ARHGAP15: variants seen among roughly 807,000 people sequenced by gnomAD.
The protein encoded by ARHGAP15 is Rho GTPase activating protein 15.
A neutral mutation model predicts 63.7 loss-of-function variants in ARHGAP15; 51 were observed. The observed-to-expected ratio is 0.80, with a 90% CI of 0.64 to 1.01. The LOEUF is 1.01. Among genes scored for constraint, ARHGAP15 ranks in the 50% least tolerant of loss-of-function variants. The pLI is 0.00. For synonymous variants in ARHGAP15, 191 were observed against 193.8 expected, an observed-to-expected ratio of 0.99 and a Z score of 0.12; for missense variants, 560 against 564.6, an observed-to-expected ratio of 0.99 and a Z score of 0.08.
chr2:143,555,480 CA>C (rs1305459259), intron 10 of ARHGAP15, among the ~76,000 whole-genome samples: 1 of 152,100 alleles, frequency 6.6e-6, no homozygotes, highest in Non-Finnish European at 1.5e-5. Flanking sequence ...ATTATGTTTT[CA>C]GCATTTTTAG....
rs559293659 is a variant in ARHGAP15 at position 143,767,194 on chromosome 2, T to C, written c.1245-795T>C. The stretch of plus-strand genomic sequence containing the variant: ...ATCAAGTAGGCTTCAGCTGTCAGAA[T>C]AGCATTACTTTTTTAATTATCAGTT... On this transcript the variant is annotated intron_variant, in intron 13 of 13. Coordinates refer to ENST00000295095, the MANE Select transcript of ARHGAP15 (RefSeq NM_018460.4). Among the ~76,000 whole-genome samples the C allele has an allele frequency of 1.6e-4, 24 of 152,298 alleles. No individual in the cohort carries two copies. In the East Asian group the frequency reaches 4.6e-3, roughly 29 times the overall value.
chr2:143,427,639 T>C (rs1267154080), intron 6 of ARHGAP15, among the ~76,000 whole-genome samples: 3 of 151,950 alleles, frequency 2.0e-5, no homozygotes, highest in Non-Finnish European at 4.4e-5. Flanking sequence ...AGATATGCAT[T>C]GAAATATGAC....
intron 6 of ARHGAP15, among the ~76,000 whole-genome samples, chr2:143,330,100 A>AAC (rs1207990809): frequency 1.3e-5 from 1 of 74,142 alleles, no homozygotes; most frequent in African/African-American, 5.4e-5. Context: ...GTCTCAAAAA[A>AAC]AAAAAAAAAA....
chr2:143,744,651 C>G (rs1304520836), intron 13 of ARHGAP15, among the ~76,000 whole-genome samples: 1 of 152,216 alleles, frequency 6.6e-6, no homozygotes, highest in Non-Finnish European at 1.5e-5. Context: ...TATTCAGCAT[C>G]CTTGTACATC....
chr2:143,707,992 T>C (rs1684409174), intron 13 of ARHGAP15, among the ~76,000 whole-genome samples: 1 of 152,198 alleles, frequency 6.6e-6, no homozygotes, highest in South Asian at 2.1e-4. Context: ...TTCCTGTGTT[T>C]CTTTTTACCC....
intron 12 of ARHGAP15, among the ~76,000 whole-genome samples, chr2:143,681,172 T>C (rs780175313): frequency 2.1e-4 from 32 of 152,196 alleles, no homozygotes; most frequent in Non-Finnish European, 4.6e-4. Context: ...TGCTACCTCA[T>C]TGTGGTGTGT....
intron 1 of ARHGAP15, among the ~76,000 whole-genome samples, chr2:143,136,715 T>C (rs770142083): frequency 2.0e-5 from 3 of 152,074 alleles, no homozygotes; most frequent in Admixed American, 6.5e-5. Flanking sequence ...TAAAAACTCC[T>C]TTTATATTAC....
intron 6 of ARHGAP15, among the ~76,000 whole-genome samples, chr2:143,390,763 A>G (rs1170600020): frequency 7.2e-6 from 1 of 139,464 alleles, no homozygotes; most frequent in Non-Finnish European, 1.6e-5. Context: ...ACACACACAC[A>G]CACGTGCAAA....
chr2:143,274,567 T>C (rs931692447), intron 6 of ARHGAP15, among the ~76,000 whole-genome samples: 12 of 152,236 alleles, frequency 7.9e-5, no homozygotes, highest in African/African-American at 2.9e-4. Flanking sequence ...GTAATAGCCT[T>C]GTTATCAGGT....
intron 8 of ARHGAP15, among the ~76,000 whole-genome samples, chr2:143,445,919 A>G (rs1246177823): frequency 2.6e-5 from 4 of 152,036 alleles, no homozygotes; most frequent in African/African-American, 9.7e-5. Flanking sequence ...GACTGAGAAT[A>G]CTTTTCTCTA....
chr2:143,507,838 T>G (rs766147818), intron 9 of ARHGAP15, among the ~76,000 whole-genome samples: 35 of 152,156 alleles, frequency 2.3e-4, no homozygotes, highest in Non-Finnish European at 4.9e-4. Context: ...AGATCCCACC[T>G]TTAAAATATA....
At chr2:143,348,109 T>C (rs1685379156) in intron 6 of ARHGAP15, among the ~76,000 whole-genome samples, 1 of 152,154 alleles carries the variant, frequency 6.6e-6, no homozygotes, top group African/African-American at 2.4e-5. Flanking sequence ...TCATATTTTT[T>C]CCCCAGTAAC....
At chr2:143,595,357 C>T (rs1697471124) in intron 11 of ARHGAP15, among the ~76,000 whole-genome samples, 1 of 152,002 alleles carries the variant, frequency 6.6e-6, no homozygotes, top group Non-Finnish European at 1.5e-5. Flanking sequence ...TGACTGGATC[C>T]AAAATGCATT....
At chr2:143,472,357 C>A (rs755006060) in intron 8 of ARHGAP15, among the ~76,000 whole-genome samples, 2 of 152,038 alleles carry the variant, frequency 1.3e-5, no homozygotes, top group African/African-American at 4.8e-5. Context: ...ACTACCAGTA[C>A]ATTTATTGCT....
intron 10 of ARHGAP15, among the ~76,000 whole-genome samples, chr2:143,523,512 C>G (rs1248812074): frequency 1.3e-5 from 2 of 152,048 alleles, no homozygotes; most frequent in Non-Finnish European, 2.9e-5. Flanking sequence ...TCTAAAAGGA[C>G]ATGCCTTAAG....
chr2:143,234,767 T>G (rs905812423), intron 5 of ARHGAP15, among the ~76,000 whole-genome samples: 1 of 152,192 alleles, frequency 6.6e-6, no homozygotes, highest in Non-Finnish European at 1.5e-5. Context: ...TGGGTTTGAT[T>G]GACCAAAGCT....
At chr2:143,430,497 C>A (rs916971466) in intron 6 of ARHGAP15, among the ~76,000 whole-genome samples, 4 of 151,998 alleles carry the variant, frequency 2.6e-5, no homozygotes, top group Non-Finnish European at 2.9e-5. Context: ...TGACAACCTT[C>A]ATTTGATCAG....
At chr2:143,167,221 T>C (rs1466165911) in intron 2 of ARHGAP15, among the ~76,000 whole-genome samples, 1 of 152,186 alleles carries the variant, frequency 6.6e-6, no homozygotes, top group African/African-American at 2.4e-5. Context: ...TTGTGGTTTG[T>C]ACATGATCTA....
At chr2:143,289,996 A>G (rs1371811923) in intron 6 of ARHGAP15, among the ~76,000 whole-genome samples, 1 of 152,214 alleles carries the variant, frequency 6.6e-6, no homozygotes, top group Non-Finnish European at 1.5e-5. Context: ...TAGGTACTCA[A>G]GCTGCAAAGG....
Sources: gnomAD v4.1 joint callset for allele counts (sites outside exome capture counted in the v4.1 genomes callset) on GRCh38, gnomAD v4.1.1 for gene constraint, MANE v1.5 for transcripts, NCBI Gene and HGNC (gene_info 2026-07-23, HGNC 2026-07-21) for gene names.